WWOX: variants seen among roughly 807,000 people sequenced by gnomAD.
WWOX encodes WW domain-containing oxidoreductase.
Under a neutral mutation model 46.2 loss-of-function variants are expected in WWOX, and 69 were observed. That is an observed-to-expected ratio of 1.49 (90% CI 1.23 to 1.82). The LOEUF is 1.82. WWOX is among the 40% of genes most tolerant of loss of function. The pLI, the probability that WWOX is intolerant of heterozygous loss-of-function variation, is 0.00. For synonymous variants in WWOX, 359 were observed against 202.6 expected (o/e 1.77, Z -6.56); for missense variants, 919 against 542.6 (o/e 1.69, Z -6.89).
At chr16:78,152,365 C>A (rs72804921) in intron 4 of WWOX, among the ~76,000 whole-genome samples, 20,611 of 148,984 alleles carry the variant, frequency 0.14, 1,512 homozygotes, top group Admixed American at 0.2. Context: ...TAATGCCGTA[C>A]TGAATATTCC....
chr16:78,360,020 A>G (rs927053532), intron 5 of WWOX, among the ~76,000 whole-genome samples: 1 of 152,230 alleles, frequency 6.6e-6, no homozygotes, highest in Non-Finnish European at 1.5e-5. Context: ...TTTGGATTTC[A>G]GGAAACAAAC....
chr16:78,847,189 C>G (rs765431316), intron 8 of WWOX, among the ~76,000 whole-genome samples: 50 of 152,330 alleles, frequency 3.3e-4, no homozygotes, highest in Non-Finnish European at 3.8e-4. Flanking sequence ...ATATTTAGAA[C>G]TAAGATCTAG....
chr16:78,175,093 C>G (rs1416376945), intron 5 of WWOX, among the ~76,000 whole-genome samples: 3 of 151,962 alleles, frequency 2.0e-5, no homozygotes, highest in African/African-American at 7.2e-5. Context: ...GGGCCCCTTC[C>G]ATCCGTAGAG....
At chr16:79,006,692 G>A (rs1183252883) in intron 8 of WWOX, among the ~76,000 whole-genome samples, 1 of 152,146 alleles carries the variant, frequency 6.6e-6, no homozygotes, top group Non-Finnish European at 1.5e-5. Flanking sequence ...TGTAGGTGGG[G>A]CTGGGCTTTT....
At chr16:78,946,211 G>C (rs1309257750) in intron 8 of WWOX, among the ~76,000 whole-genome samples, 1 of 151,996 alleles carries the variant, frequency 6.6e-6, no homozygotes, top group Non-Finnish European at 1.5e-5. Context: ...TTGTTTTCGA[G>C]ACTGAGTCTT....
At chr16:78,309,216 C>T (rs1048227448) in intron 5 of WWOX, among the ~76,000 whole-genome samples, 1 of 152,138 alleles carries the variant, frequency 6.6e-6, no homozygotes, top group Non-Finnish European at 1.5e-5. Flanking sequence ...CATATACTCC[C>T]GATAGTGAGT....
intron 8 of WWOX, among the ~76,000 whole-genome samples, chr16:79,176,144 C>G (rs1031149767): frequency 4.6e-5 from 7 of 152,188 alleles, no homozygotes; most frequent in Non-Finnish European, 1.0e-4. Flanking sequence ...ATAGGCTGAG[C>G]TACAGTAAGA....
intron 4 of WWOX, among the ~76,000 whole-genome samples, chr16:78,117,882 G>T (rs1219048023): frequency 1.3e-5 from 2 of 152,038 alleles, no homozygotes; most frequent in Admixed American, 6.6e-5. Flanking sequence ...TTAACCCTGT[G>T]AATGTCCGTT....
At chr16:79,080,993 C>T (rs2048750231) in intron 8 of WWOX, among the ~76,000 whole-genome samples, 2 of 152,134 alleles carry the variant, frequency 1.3e-5, no homozygotes, top group South Asian at 4.1e-4. Flanking sequence ...CCTCCAAACA[C>T]ACACACGCAC....
chr16:78,316,272 A>T (rs990715307), intron 5 of WWOX, among the ~76,000 whole-genome samples: 1 of 152,128 alleles, frequency 6.6e-6, no homozygotes, highest in Non-Finnish European at 1.5e-5. Flanking sequence ...AACAGCATCC[A>T]CATGTGTGCA....
chr16:79,192,303 TCA>T (rs2051152322), intron 8 of WWOX, among the ~76,000 whole-genome samples: 1 of 8,402 alleles, frequency 1.2e-4, no homozygotes, highest in Non-Finnish European at 3.9e-4. Flanking sequence ...TCGCAGTGAT[TCA>T]TTCATTCATT....
intron 8 of WWOX, among the ~76,000 whole-genome samples, chr16:79,188,581 C>G (rs1034985888): frequency 6.6e-6 from 1 of 152,212 alleles, no homozygotes; most frequent in African/African-American, 2.4e-5. Flanking sequence ...CTTACGAAGT[C>G]AAACTCTCAG....
At chr16:79,083,872 T>C (rs909357723) in intron 8 of WWOX, among the ~76,000 whole-genome samples, 1 of 152,218 alleles carries the variant, frequency 6.6e-6, no homozygotes, top group East Asian at 1.9e-4. Context: ...CCTCCTATTT[T>C]GTTTTAATGC....
chr16:79,180,384 C>T (rs1009380164), intron 8 of WWOX, among the ~76,000 whole-genome samples: 1 of 152,202 alleles, frequency 6.6e-6, no homozygotes, highest in Admixed American at 6.5e-5. Context: ...TATCCGTTAA[C>T]AGGTTTATTT....
intron 4 of WWOX, among the ~76,000 whole-genome samples, chr16:78,149,058 C>T (rs1208220811): frequency 6.6e-6 from 1 of 152,004 alleles, no homozygotes; most frequent in African/African-American, 2.4e-5. Flanking sequence ...GTGGCAGGAT[C>T]GTAGCTCACT....
At chr16:78,689,528 C>G (rs2047938332) in intron 8 of WWOX, among the ~76,000 whole-genome samples, 1 of 152,202 alleles carries the variant, frequency 6.6e-6, no homozygotes, top group Non-Finnish European at 1.5e-5. Context: ...ATAGTCCAGT[C>G]TTTGTAAGAG....
intron 8 of WWOX, among the ~76,000 whole-genome samples, chr16:78,476,646 C>G (rs1230307925): frequency 6.6e-6 from 1 of 151,578 alleles, no homozygotes; most frequent in Non-Finnish European, 1.5e-5. Flanking sequence ...GGAGCATCGA[C>G]TTTCGTTTTC....
chr16:78,472,509 A>G (rs756743524), intron 8 of WWOX, among the ~76,000 whole-genome samples: 24 of 152,190 alleles, frequency 1.6e-4, no homozygotes, highest in African/African-American at 3.1e-4. Context: ...AAGTTTTGCT[A>G]TGTTGAAAAA....
intron 8 of WWOX, among the ~76,000 whole-genome samples, chr16:78,606,718 G>GTTTTTTTT (rs59612285): frequency 8.3e-6 from 1 of 121,078 alleles, no homozygotes; most frequent in African/African-American, 3.4e-5. Context: ...CAGAATTGCA[G>GTTTTTTTT]TTTTTTTTTT....
Sources: allele counts gnomAD v4.1 joint callset (sites outside exome capture counted in the v4.1 genomes callset), GRCh38; gene constraint gnomAD v4.1.1; transcripts MANE v1.5; gene names NCBI Gene and HGNC (gene_info 2026-07-23, HGNC 2026-07-21).